The following ST6GALNAC3 variants were observed in gnomAD, a reference collection of about 807,000 sequenced individuals.
The protein encoded by ST6GALNAC3 is alpha-N-acetylgalactosaminide alpha-2,6-sialyltransferase 3.
ST6GALNAC3 carries 25 observed loss-of-function variants against 32.7 expected under a neutral mutation model. The ratio of observed to expected loss-of-function variants is 0.76; its 90% CI spans 0.56 to 1.07. The LOEUF (loss-of-function observed/expected upper bound fraction) is 1.07. Ranked by LOEUF, ST6GALNAC3 falls within the 50% of genes least tolerant of loss-of-function variation. The probability of loss-of-function intolerance (pLI) is 0.00; values close to 1 mark genes in which losing one functional copy is unlikely to be tolerated. For missense variants in ST6GALNAC3, 355 were observed against 382.4 expected, an observed-to-expected ratio of 0.93 and a Z score of 0.60; for synonymous variants, 129 against 133.1, an observed-to-expected ratio of 0.97 and a Z score of 0.21.
At chr1:76,314,732 C>A (rs991654214) in intron 2 of ST6GALNAC3, among the ~76,000 whole-genome samples, 3 of 152,122 alleles carry the variant, frequency 2.0e-5, no homozygotes, top group African/African-American at 7.2e-5. Context: ...CTATTCATTT[C>A]TATGGAGTTG....
chr1:76,209,940 A>G (rs1655045217), intron 1 of ST6GALNAC3, among the ~76,000 whole-genome samples: 2 of 152,132 alleles, frequency 1.3e-5, no homozygotes, highest in Non-Finnish European at 2.9e-5. Context: ...AAACAACTCT[A>G]TTAAGATAAC....
At chr1:76,158,042 A>G (rs559610973) in intron 1 of ST6GALNAC3, among the ~76,000 whole-genome samples, 2 of 152,258 alleles carry the variant, frequency 1.3e-5, no homozygotes, top group South Asian at 2.1e-4. Flanking sequence ...TATGCTGCCT[A>G]TTTTCCAATG....
intron 3 of ST6GALNAC3, among the ~76,000 whole-genome samples, chr1:76,508,610 G>A (rs1005246968): frequency 9.2e-5 from 14 of 152,088 alleles, no homozygotes; most frequent in Admixed American, 2.0e-4. Context: ...GTGTTGCTGA[G>A]GAAGGCATCC....
At position 76,246,060 on chromosome 1, in the gene ST6GALNAC3, C is replaced by CT. The variant is rs1233712899; in HGVS notation, c.19-67744dup. On this transcript the variant is annotated intron_variant, in intron 1 of 4. Coordinates refer to ENST00000328299, the MANE Select transcript of ST6GALNAC3 (RefSeq NM_152996.4). ...GAAGTCTAAGTGTCTTTGTAAGTCT[C>CT]TAAGAACTTGCTCTATGAATCTGGG... Among the ~76,000 whole-genome samples, 3 of 152,158 alleles carry CT rather than the reference C, an allele frequency of 2.0e-5. No homozygotes were observed. The South Asian group carries it at 6.2e-4, about 32-fold the overall frequency.
chr1:76,169,837 C>T (rs1313224091), intron 1 of ST6GALNAC3, among the ~76,000 whole-genome samples: 1 of 152,006 alleles, frequency 6.6e-6, no homozygotes, highest in Non-Finnish European at 1.5e-5. Context: ...TATATATATA[C>T]TGGCTGTTTT....
intron 1 of ST6GALNAC3, among the ~76,000 whole-genome samples, chr1:76,265,236 T>A (rs1658461689): frequency 6.6e-6 from 1 of 152,160 alleles, no homozygotes; most frequent in Admixed American, 6.5e-5. Context: ...CACAATTAAA[T>A]TTTTTGAGAC....
intron 1 of ST6GALNAC3, among the ~76,000 whole-genome samples, chr1:76,134,132 T>C (rs577340904): frequency 6.6e-6 from 1 of 152,314 alleles, no homozygotes; most frequent in South Asian, 2.1e-4. Context: ...GGCTTCTAAA[T>C]TAGGGAATGT....
chr1:76,081,863 A>T (rs1646900825), intron 1 of ST6GALNAC3, among the ~76,000 whole-genome samples: 1 of 152,220 alleles, frequency 6.6e-6, no homozygotes, highest in African/African-American at 2.4e-5. Flanking sequence ...TCCCCAACAT[A>T]GATCTGTCCC....
chr1:76,179,061 C>T (rs1653019065), intron 1 of ST6GALNAC3, among the ~76,000 whole-genome samples: 1 of 152,194 alleles, frequency 6.6e-6, no homozygotes, highest in African/African-American at 2.4e-5. Flanking sequence ...TGTCACCTTT[C>T]TGGCATCTCC....
At chr1:76,181,517 A>C (rs551055718) in intron 1 of ST6GALNAC3, among the ~76,000 whole-genome samples, 4 of 152,296 alleles carry the variant, frequency 2.6e-5, no homozygotes, top group Admixed American at 6.5e-5. Flanking sequence ...TTATTCTTTC[A>C]ATTACATAGG....
chr1:76,472,254 G>T (rs1229428134), intron 3 of ST6GALNAC3, among the ~76,000 whole-genome samples: 3 of 152,098 alleles, frequency 2.0e-5, no homozygotes, highest in African/African-American at 7.2e-5. Context: ...CTTCCATGTT[G>T]TCTTTCTATT....
At chr1:76,134,456 C>T (rs1649810196) in intron 1 of ST6GALNAC3, among the ~76,000 whole-genome samples, 2 of 152,246 alleles carry the variant, frequency 1.3e-5, no homozygotes, top group South Asian at 2.1e-4. Context: ...TATCCTCCAG[C>T]TCTAACATTC....
chr1:76,449,936 C>T (rs1657270385), intron 3 of ST6GALNAC3, among the ~76,000 whole-genome samples: 1 of 152,134 alleles, frequency 6.6e-6, no homozygotes, highest in Admixed American at 6.5e-5. Context: ...GTACACTGAA[C>T]ACAATGTGTA....
At chr1:76,570,003 A>G (rs1431728711) in intron 3 of ST6GALNAC3, among the ~76,000 whole-genome samples, 1 of 152,136 alleles carries the variant, frequency 6.6e-6, no homozygotes, top group South Asian at 2.1e-4. Context: ...TAAATCACTG[A>G]TCATTTTCCA....
intron 2 of ST6GALNAC3, among the ~76,000 whole-genome samples, chr1:76,347,130 A>G (rs1332753893): frequency 6.6e-6 from 1 of 152,188 alleles, no homozygotes; most frequent in East Asian, 1.9e-4. Flanking sequence ...TAAAATTACC[A>G]CTGATTACAG....
intron 1 of ST6GALNAC3, among the ~76,000 whole-genome samples, chr1:76,122,141 C>G (rs1358486961): frequency 6.6e-6 from 1 of 152,172 alleles, no homozygotes; most frequent in East Asian, 1.9e-4. Context: ...ACCTTTCTCC[C>G]TCAGAGGGTA....
At position 76,270,904 on chromosome 1, in the gene ST6GALNAC3, T is replaced by C. The variant is rs150730584; in HGVS notation, c.19-42901T>C. 3.1e-3 allele frequency among the ~76,000 whole-genome samples: 472 copies of C among 152,294 alleles called. 1 individual carries two copies. Among genetic ancestry groups the C allele is most frequent in the Middle Eastern group, 0.017 (5 of 294 alleles). On this transcript the variant is annotated intron_variant, in intron 1 of 4. Transcript: ENST00000328299. The stretch of plus-strand genomic sequence containing the variant: ...TTCTAGTCTTTGAAAGATAATGTAT[T>C]ACTCTTGAGAAATGTAGAATTTTAT...
chr1:76,334,004 T>A (rs1291976779), intron 2 of ST6GALNAC3, among the ~76,000 whole-genome samples: 1 of 152,184 alleles, frequency 6.6e-6, no homozygotes, highest in Non-Finnish European at 1.5e-5. Flanking sequence ...AATCTGAAGG[T>A]GTAACCATTA....
intron 3 of ST6GALNAC3, among the ~76,000 whole-genome samples, chr1:76,460,424 G>A (rs1270215417): frequency 6.6e-6 from 1 of 152,138 alleles, no homozygotes; most frequent in Admixed American, 6.6e-5. Context: ...AAAGTCTCAA[G>A]GATAAATTTT....
Sources: gnomAD v4.1 joint callset for allele counts (sites outside exome capture counted in the v4.1 genomes callset) on GRCh38, gnomAD v4.1.1 for gene constraint, MANE v1.5 for transcripts, NCBI Gene and HGNC (gene_info 2026-07-23, HGNC 2026-07-21) for gene names.